CNTNAP2: variants seen among roughly 807,000 people sequenced by gnomAD.
CNTNAP2 encodes the protein contactin-associated protein-like 2.
In CNTNAP2, 98 loss-of-function variants were observed where a neutral mutation model predicts 155.2. The observed-to-expected ratio is 0.63, with a 90% CI of 0.54 to 0.75. CNTNAP2 has a LOEUF of 0.75. Among genes scored for constraint, CNTNAP2 ranks in the 30% least tolerant of loss-of-function variants. The pLI is 0.00. For synonymous variants in CNTNAP2, 651 were observed against 631.2 expected (o/e 1.03, Z -0.47); for missense variants, 1,727 against 1,688.1 (o/e 1.02, Z -0.40).
At chr7:147,502,540 A>G (rs888006835) in intron 11 of CNTNAP2, among the ~76,000 whole-genome samples, 3 of 152,188 alleles carry the variant, frequency 2.0e-5, no homozygotes, top group Non-Finnish European at 4.4e-5. Flanking sequence ...ACAAACTTTC[A>G]ATTACAAGAT....
At chr7:147,372,981 TC>T (rs1022938882) in intron 9 of CNTNAP2, among the ~76,000 whole-genome samples, 2 of 152,130 alleles carry the variant, frequency 1.3e-5, no homozygotes, top group African/African-American at 4.8e-5. Flanking sequence ...CTGTTCACAT[TC>T]TTTCCTATAT....
In CNTNAP2 at chr7:148,365,906, ATGCG is replaced by A. The variant is rs1168284400; in HGVS notation, c.3476-17740_3476-17737del. Reference sequence around the variant, plus strand: ...TACATGTATGTGTATGCATGTATACATGCGTGTATGCATGTATACATGCGTGTAT... The same window carrying A: ...TACATGTATGTGTATGCATGTATACATGTATGCATGTATACATGCGTGTAT... On this transcript the variant is annotated intron_variant, in intron 21 of 23. Coordinates refer to ENST00000361727, the MANE Select transcript of CNTNAP2 (RefSeq NM_014141.6). 5.2e-4 allele frequency among the ~76,000 whole-genome samples: 2 copies of A among 3,820 alleles called. 1 individual carries two copies. Among genetic ancestry groups the A allele is most frequent in the African/African-American group, 8.1e-4 (2 of 2,458 alleles). The allele number at this position is 3,820 out of a possible 152,430, so 2.5% of individuals were successfully genotyped here.
intron 1 of CNTNAP2, among the ~76,000 whole-genome samples, chr7:146,231,922 G>A (rs1030630446): frequency 6.6e-6 from 1 of 152,196 alleles, no homozygotes; most frequent in African/African-American, 2.4e-5. Context: ...CTAGTTTAAA[G>A]CTAGAATAAA....
At chr7:146,624,319 T>C (rs1385216078) in intron 1 of CNTNAP2, among the ~76,000 whole-genome samples, 1 of 152,044 alleles carries the variant, frequency 6.6e-6, no homozygotes, top group Non-Finnish European at 1.5e-5. Flanking sequence ...TAAAAACTTT[T>C]CTCTAAATCC....
chr7:146,273,333 G>T (rs1800114345), intron 1 of CNTNAP2, among the ~76,000 whole-genome samples: 1 of 152,086 alleles, frequency 6.6e-6, no homozygotes, highest in African/African-American at 2.4e-5. Context: ...TAGGCCAAGT[G>T]TAATATAAAA....
rs368456512 is a variant in CNTNAP2 at position 147,697,737 on chromosome 7, T to A, written c.2098+58431T>A. 6.6e-5 allele frequency among the ~76,000 whole-genome samples: 10 copies of A among 152,258 alleles called. 2 individuals carry two copies. Among genetic ancestry groups the A allele is most frequent in the African/African-American group, 2.4e-4 (10 of 41,550 alleles). ...CTCCCCTAGGTAAGTGAGGCTCTGA[T>A]ACAACCTCAGAAGATTCAGCTCTGG... On this transcript the variant is annotated intron_variant, in intron 13 of 23. Transcript: ENST00000361727.
chr7:146,222,740 C>T (rs1445074648), intron 1 of CNTNAP2, among the ~76,000 whole-genome samples: 1 of 150,548 alleles, frequency 6.6e-6, no homozygotes, highest in Non-Finnish European at 1.5e-5. Flanking sequence ...AATGCAAGCT[C>T]TGCCTCCCAG....
chr7:146,881,906 G>T (rs558113942), intron 3 of CNTNAP2, among the ~76,000 whole-genome samples: 1 of 151,760 alleles, frequency 6.6e-6, no homozygotes, highest in Non-Finnish European at 1.5e-5. Flanking sequence ...AAATATATTC[G>T]TCGTCTAGAT....
chr7:147,091,699 A>G (rs1395559463), intron 4 of CNTNAP2, among the ~76,000 whole-genome samples: 1 of 150,296 alleles, frequency 6.7e-6, no homozygotes, highest in Non-Finnish European at 1.5e-5. Context: ...TCCGCCTCCC[A>G]GGTTGAAGCC....
chr7:146,246,453 A>G (rs540386918), intron 1 of CNTNAP2, among the ~76,000 whole-genome samples: 6 of 149,610 alleles, frequency 4.0e-5, no homozygotes, highest in Non-Finnish European at 8.8e-5. Flanking sequence ...AGAGGTTTAG[A>G]AGCCTGGCCG....
At chr7:147,032,673 TAAA>T (rs34409815) in intron 3 of CNTNAP2, among the ~76,000 whole-genome samples, 6,761 of 136,518 alleles carry the variant, frequency 0.05, 181 homozygotes, top group African/African-American at 0.077. Flanking sequence ...AGGAAGGAAA[TAAA>T]GAAGAAAAGA....
intron 1 of CNTNAP2, among the ~76,000 whole-genome samples, chr7:146,417,618 T>C (rs1795956270): frequency 6.6e-6 from 1 of 151,610 alleles, no homozygotes; most frequent in African/African-American, 2.4e-5. Context: ...TGATAGTTTT[T>C]AATCATCTCT....
chr7:147,656,054 T>G (rs1795520817), intron 13 of CNTNAP2, among the ~76,000 whole-genome samples: 1 of 152,228 alleles, frequency 6.6e-6, no homozygotes, highest in Admixed American at 6.5e-5. Context: ...CTTTCCTAAA[T>G]CTCATGAACC....
rs1802671226 is a variant in CNTNAP2, at chr7:147,191,067, A to AG, written c.1348+58563dup. Among the ~76,000 whole-genome samples, 6 of 152,242 alleles carry AG rather than the reference A, an allele frequency of 3.9e-5. No homozygotes were observed. The South Asian group carries it at 1.2e-3, about 32-fold the overall frequency. ...AATGAGAAAGAAAGAAAAGAAGAAA[A>AG]GGGGGCTGTAAAATGACTCACCATG... On this transcript the variant is annotated intron_variant, in intron 8 of 23. Transcript: ENST00000361727.
chr7:147,111,725 A>G (rs561758937), intron 5 of CNTNAP2, among the ~76,000 whole-genome samples: 14 of 152,262 alleles, frequency 9.2e-5, no homozygotes, highest in African/African-American at 3.4e-4. Flanking sequence ...CCATTGGTCT[A>G]TGTGTCTGTT....
chr7:146,498,558 T>G (rs749847804), intron 1 of CNTNAP2, among the ~76,000 whole-genome samples: 4 of 152,190 alleles, frequency 2.6e-5, no homozygotes, highest in Non-Finnish European at 2.9e-5. Context: ...TTTAGAAATT[T>G]TCATTTTCAA....
chr7:147,618,969 T>C (rs754019536), intron 12 of CNTNAP2, among the ~76,000 whole-genome samples: 3 of 152,202 alleles, frequency 2.0e-5, no homozygotes, highest in Non-Finnish European at 2.9e-5. Context: ...CTGGTTAATC[T>C]TGAGGGCCCG....
intron 13 of CNTNAP2, among the ~76,000 whole-genome samples, chr7:147,669,182 C>T (rs1326864397): frequency 2.0e-5 from 3 of 152,036 alleles, no homozygotes; most frequent in East Asian, 1.9e-4. Flanking sequence ...GATGAAATTA[C>T]CTAATGATGC....
intron 17 of CNTNAP2, among the ~76,000 whole-genome samples, chr7:148,156,368 G>A (rs944403965): frequency 4.5e-4 from 69 of 152,054 alleles, no homozygotes; most frequent in African/African-American, 1.6e-3. Context: ...TGTCTCCTGC[G>A]CTCTTTCCTG....
Sources: gnomAD v4.1 joint callset for allele counts (sites outside exome capture counted in the v4.1 genomes callset) on GRCh38, gnomAD v4.1.1 for gene constraint, MANE v1.5 for transcripts, NCBI Gene and HGNC (gene_info 2026-07-23, HGNC 2026-07-21) for gene names.